Variants in NFAT5 observed in about 807,000 individuals in gnomAD.
The protein encoded by NFAT5 is nuclear factor of activated T-cells 5.
NFAT5 carries 31 observed loss-of-function variants against 166.5 expected under a neutral mutation model. The observed-to-expected ratio is 0.19, with a 90% CI of 0.14 to 0.25. NFAT5 has a LOEUF of 0.25. Ranked by LOEUF, NFAT5 falls within the 10% of genes least tolerant of loss-of-function variation. The pLI is 1.00. For missense variants in NFAT5, 1,449 were observed against 1,821.8 expected, an observed-to-expected ratio of 0.80 and a Z score of 3.72; for synonymous variants, 612 against 639.7, an observed-to-expected ratio of 0.96 and a Z score of 0.65.
At chr16:69,581,722 A>T (rs1051315486) in intron 2 of NFAT5, among the ~76,000 whole-genome samples, 5 of 152,204 alleles carry the variant, frequency 3.3e-5, no homozygotes, top group Admixed American at 6.5e-5. Flanking sequence ...TGATTACTAG[A>T]CAGTAGTATT....
rs1352248766 is a variant in NFAT5 at position 69,703,472 on chromosome 16, ATTCAT to A, written c.*7129_*7133del. 6.6e-6 allele frequency: 1 copy of A among 152,666 alleles called. No homozygotes were observed. Among genetic ancestry groups the A allele is most frequent in the East Asian group, 1.9e-4 (1 of 5,206 alleles). The allele number at this position is 152,666 out of a possible 1,614,324, so 9.5% of individuals were successfully genotyped here. On this transcript the variant is annotated 3_prime_UTR_variant, in exon 15 of 15. Coordinates refer to ENST00000349945, the MANE Select transcript of NFAT5 (RefSeq NM_138713.4). ...AACTAACCACAAGATAGGTAGATTG[ATTCAT>A]TTCATTTTAATCTCCTTGTGTAATT... is the stretch of plus-strand genomic sequence containing the variant.
intron 4 of NFAT5, among the ~76,000 whole-genome samples, chr16:69,651,075 T>C (rs2035645511): frequency 6.6e-6 from 1 of 152,244 alleles, no homozygotes; most frequent in African/African-American, 2.4e-5. Flanking sequence ...GATTTACTTA[T>C]GTCAAATTTA....
In NFAT5 at chr16:69,575,949, T is replaced by A. The variant is rs184599350; in HGVS notation, c.127+7401T>A. On this transcript the variant is annotated intron_variant, in intron 2 of 14. Coordinates refer to ENST00000349945, the MANE Select transcript of NFAT5 (RefSeq NM_138713.4). ...ATATCTCGTGGATGAGGCTGGAATTTGAACTTCACCAGTTTTACCCCAGAG... is the reference window on the plus strand; with the variant it reads ...ATATCTCGTGGATGAGGCTGGAATTAGAACTTCACCAGTTTTACCCCAGAG... 1.9e-3 allele frequency among the ~76,000 whole-genome samples: 286 copies of A among 152,196 alleles called. 3 individuals carry two copies. The highest frequency in any genetic ancestry group is 6.5e-3 in the African/African-American group (268 of 41,540).
intron 7 of NFAT5, among the ~76,000 whole-genome samples, chr16:69,661,176 G>A (rs1386267846): frequency 3.4e-5 from 5 of 147,500 alleles, no homozygotes; most frequent in African/African-American, 1.0e-4. Flanking sequence ...GAGACCAGCC[G>A]AGGCTGGTCT....
In NFAT5 at chr16:69,566,408, C is replaced by A; in HGVS notation, c.73+34C>A. The A allele has an allele frequency of 3.9e-6, 2 of 515,518 alleles. No homozygotes were observed. The highest frequency in any genetic ancestry group is 3.6e-6 in the Non-Finnish European group (1 of 276,892). The allele number at this position is 515,518 out of a possible 1,614,324, so 31.9% of individuals were successfully genotyped here. On this transcript the variant is annotated intron_variant, in intron 1 of 14. Transcript: ENST00000349945. This position sits in a 1 kb window ranked among gnomAD's most constrained non-coding sequence, Gnocchi z 5.7. ...GGCTGTGGGGGGTGGGGCGTGGGGGCGGGGAGACAGGGAGACAGGGAGACA... is the reference window on the plus strand; with the variant it reads ...GGCTGTGGGGGGTGGGGCGTGGGGGAGGGGAGACAGGGAGACAGGGAGACA...
intron 4 of NFAT5, among the ~76,000 whole-genome samples, chr16:69,651,933 A>G (rs182227068): frequency 2.1e-4 from 32 of 152,156 alleles, no homozygotes; most frequent in African/African-American, 7.2e-4. Flanking sequence ...TGGCCTCCCA[A>G]AGTGCTGGAA....
chr16:69,677,375 T>G, intron 10 of NFAT5, 40 bp downstream of exon 10: 1 of 1,500,456 alleles, frequency 6.7e-7, no homozygotes, highest in Non-Finnish European at 8.9e-7. Flanking sequence ...AACAAATAAT[T>G]AATTTCCAGT....
chr16:69,667,501 A>G (rs1597506002), intron 7 of NFAT5, among the ~76,000 whole-genome samples: 1 of 151,992 alleles, frequency 6.6e-6, no homozygotes, highest in East Asian at 1.9e-4. Context: ...AACTAAAAAA[A>G]AAAAAAAAAG....
At chr16:69,691,658 A>G in intron 12 of NFAT5, 91 bp from the exon 13 acceptor site, 2 of 990,564 alleles carry the variant, frequency 2.0e-6, no homozygotes, top group Non-Finnish European at 3.0e-6. Context: ...GGTCCTGCAT[A>G]TATTTTTAGA....
chr16:69,643,152 A>G (rs905401647), intron 3 of NFAT5, among the ~76,000 whole-genome samples: 2 of 147,854 alleles, frequency 1.4e-5, no homozygotes, highest in Non-Finnish European at 3.0e-5. Context: ...TGGGAGGCAG[A>G]GGTTCCAGTG....
intron 3 of NFAT5, chr16:69,632,438 A>C (rs1464522105): frequency 6.6e-6 from 1 of 152,120 alleles, no homozygotes; most frequent in African/African-American, 2.4e-5. Flanking sequence ...AGGGAAACGC[A>C]AGATCCTTAA....
intron 9 of NFAT5, among the ~76,000 whole-genome samples, chr16:69,673,020 T>TTC (rs10563794): frequency 2.1e-4 from 32 of 151,610 alleles, no homozygotes; most frequent in African/African-American, 3.1e-4. Flanking sequence ...CCATTTTTCT[T>TTC]TCTCTCTCTC....
chr16:69,655,870 T>C (rs961920741), intron 6 of NFAT5, 71 bp downstream of exon 6: 46 of 1,145,364 alleles, frequency 4.0e-5, no homozygotes, highest in Non-Finnish European at 5.2e-5. Flanking sequence ...CAGTTTCTAA[T>C]GTATAGAAGA....
intron 3 of NFAT5, among the ~76,000 whole-genome samples, chr16:69,638,210 CTG>C (rs2035049832): frequency 6.6e-6 from 1 of 152,036 alleles, no homozygotes; most frequent in Non-Finnish European, 1.5e-5. Context: ...CAGAGTGAGA[CTG>C]TGTCTCAAAA....
intron 11 of NFAT5, among the ~76,000 whole-genome samples, chr16:69,687,794 G>C (rs2037370289): frequency 6.6e-6 from 1 of 152,052 alleles, no homozygotes; most frequent in African/African-American, 2.4e-5. Flanking sequence ...CTGTAAACAT[G>C]GACATTTTTA....
chr16:69,568,664 TAA>T (rs1253112416), intron 2 of NFAT5, 116 bp downstream of exon 2: 1 of 722,996 alleles, frequency 1.4e-6, no homozygotes, highest in Non-Finnish European at 2.2e-6. Flanking sequence ...AGTTTTCTCC[TAA>T]AGAGTCTGAT....
At chr16:69,660,078 G>A (rs1421565390) in intron 7 of NFAT5, among the ~76,000 whole-genome samples, 179 bp downstream of exon 7, 1 of 152,118 alleles carries the variant, frequency 6.6e-6, no homozygotes. Context: ...GAATACTTGG[G>A]ATACAATTCA....
intron 9 of NFAT5, among the ~76,000 whole-genome samples, chr16:69,674,040 C>T (rs183368235): frequency 6.6e-6 from 1 of 151,764 alleles, no homozygotes; most frequent in Admixed American, 6.6e-5. Flanking sequence ...GTCAGGAGTT[C>T]GCGACCAGCC....
chr16:69,592,534 A>T (rs1205209112), intron 2 of NFAT5, among the ~76,000 whole-genome samples: 2 of 152,212 alleles, frequency 1.3e-5, no homozygotes, highest in South Asian at 2.1e-4. Context: ...TCAAATTCTT[A>T]TGATCTCAAG....
Sources: allele counts gnomAD v4.1 joint callset (sites outside exome capture counted in the v4.1 genomes callset), GRCh38; gene constraint gnomAD v4.1.1; non-coding constraint Gnocchi (gnomAD v3.1); transcripts MANE v1.5; gene names NCBI Gene and HGNC (gene_info 2026-07-23, HGNC 2026-07-21).